Variants in DENND2A observed in about 807,000 individuals in gnomAD.
DENND2A encodes DENN domain containing 2A.
A neutral mutation model predicts 105.3 loss-of-function variants in DENND2A; 53 were observed. That is an observed-to-expected ratio of 0.50 (90% CI 0.40 to 0.63). The LOEUF is 0.63. DENND2A is among the 30% of genes least tolerant of loss of function. The probability of loss-of-function intolerance (pLI) is 0.00; values close to 1 mark genes in which losing one functional copy is unlikely to be tolerated. For synonymous variants in DENND2A, 522 were observed against 508.4 expected (o/e 1.03, Z -0.36); for missense variants, 1,138 against 1,279.6 (o/e 0.89, Z 1.69).
At chr7:140,631,242 G>C (rs1800723179) in intron 1 of DENND2A, among the ~76,000 whole-genome samples, 1 of 152,134 alleles carries the variant, frequency 6.6e-6, no homozygotes, top group African/African-American at 2.4e-5. Flanking sequence ...CGGGGGTGTG[G>C]GGAAGGAACA....
chr7:140,599,862 TG>T (rs1288832350), intron 3 of DENND2A, among the ~76,000 whole-genome samples: 1 of 151,710 alleles, frequency 6.6e-6, no homozygotes, highest in East Asian at 1.9e-4. Flanking sequence ...CCATGCTGAG[TG>T]GGGGGTGACA....
chr7:140,584,849 T>TA (rs906496791), intron 5 of DENND2A, among the ~76,000 whole-genome samples: 7 of 152,310 alleles, frequency 4.6e-5, no homozygotes, highest in South Asian at 2.1e-4. Flanking sequence ...TTATTTCATT[T>TA]AAAAAAACCC....
chr7:140,581,219 G>C (rs1378830654), intron 5 of DENND2A, among the ~76,000 whole-genome samples: 1 of 152,044 alleles, frequency 6.6e-6, no homozygotes, highest in African/African-American at 2.4e-5. Context: ...AGCCAAGATC[G>C]AGCCACTGCA....
chr7:140,580,860 C>T (rs1179541291), intron 5 of DENND2A, among the ~76,000 whole-genome samples: 1 of 149,884 alleles, frequency 6.7e-6, no homozygotes, highest in Non-Finnish European at 1.5e-5. Context: ...TGATCTCGAA[C>T]TCCTGACCTC....
intron 5 of DENND2A, among the ~76,000 whole-genome samples, chr7:140,578,635 C>T (rs1798406321): frequency 1.3e-5 from 2 of 152,138 alleles, no homozygotes; most frequent in African/African-American, 2.4e-5. Flanking sequence ...AATCCCAGCA[C>T]TTTGGGAGGC....
In DENND2A at chr7:140,526,724, C is replaced by T. The variant is rs115452035; in HGVS notation, c.2505+594G>A. On this transcript the variant is annotated intron_variant, in intron 15 of 19. Coordinates refer to ENST00000496613, the MANE Select transcript of DENND2A (RefSeq NM_015689.5). ...GAGGAGCAGCTTCTAGGGACCCAGA[C>T]ACAAATGCAGGACAGAGGGACAGGC... Among the ~76,000 whole-genome samples the T allele has an allele frequency of 6.3e-3, 959 of 152,310 alleles. 7 individuals are homozygous for T. Among genetic ancestry groups the T allele is most frequent in the African/African-American group, 0.021 (885 of 41,554 alleles).
chr7:140,598,367 T>C (rs1303626633), intron 3 of DENND2A, among the ~76,000 whole-genome samples: 1 of 152,180 alleles, frequency 6.6e-6, no homozygotes, highest in Non-Finnish European at 1.5e-5. Flanking sequence ...TGCCTGTGAG[T>C]GAAACTCTAG....
At chr7:140,619,500 C>T (rs1263961679) in intron 1 of DENND2A, among the ~76,000 whole-genome samples, 2 of 144,904 alleles carry the variant, frequency 1.4e-5, no homozygotes, top group African/African-American at 2.5e-5. Flanking sequence ...AAACTCTGCA[C>T]TTTTTTTTTT....
At chr7:140,634,639 G>A (rs1307622559) in intron 1 of DENND2A, among the ~76,000 whole-genome samples, 1 of 152,158 alleles carries the variant, frequency 6.6e-6, no homozygotes, top group African/African-American at 2.4e-5. Context: ...GGGAGGCCAA[G>A]GCCAGCGGAT....
chr7:140,553,333 AAGC>A (rs1261149441), intron 12 of DENND2A, among the ~76,000 whole-genome samples: 1 of 152,232 alleles, frequency 6.6e-6, no homozygotes, highest in Non-Finnish European at 1.5e-5. Context: ...ATGCTTTACA[AAGC>A]AGTATTGCAT....
chr7:140,536,761 C>T (rs1310022194), intron 14 of DENND2A, among the ~76,000 whole-genome samples: 1 of 152,104 alleles, frequency 6.6e-6, no homozygotes, highest in African/African-American at 2.4e-5. Flanking sequence ...CTCCTGGGTT[C>T]AAGTGATTCT....
chr7:140,549,182 C>T (rs1036755985), intron 12 of DENND2A, among the ~76,000 whole-genome samples: 3 of 151,424 alleles, frequency 2.0e-5, no homozygotes, highest in Admixed American at 6.6e-5. Flanking sequence ...GCTGAGATCG[C>T]GCCATTGCAC....
In DENND2A at chr7:140,634,560, C is replaced by T. The variant is rs185172425; in HGVS notation, c.-248+5944G>A. On this transcript the variant is annotated intron_variant, in intron 1 of 19. Coordinates refer to ENST00000496613, the MANE Select transcript of DENND2A (RefSeq NM_015689.5). ...AGTTTTGTTAACTTTTAAAAGAAAA[C>T]GTATTAAAATTAGAAATTTAAAATT... 1.9e-3 allele frequency among the ~76,000 whole-genome samples: 294 copies of T among 152,122 alleles called. 1 individual carries two copies. Among genetic ancestry groups the T allele is most frequent in the African/African-American group, 6.7e-3 (279 of 41,508 alleles).
At chr7:140,595,239 T>TCAAGTGATCTGCCCAC (rs1799235733) in intron 3 of DENND2A, among the ~76,000 whole-genome samples, 1 of 151,284 alleles carries the variant, frequency 6.6e-6, no homozygotes, top group Non-Finnish European at 1.5e-5. Context: ...ACTCCTGACC[T>TCAAGTGATCTGCCCAC]CAAGTGATCT....
In DENND2A at chr7:140,542,071, CTGCTTCT is replaced by C. The variant is rs1171095066; in HGVS notation, c.2327+2540_2327+2546del. ...TTCAGGTTTTTTTTTGTTTTTGGCA[CTGCTTCT>C]TTCCAGATGGACTTCTCAGGTGGCC... On this transcript the variant is annotated intron_variant, in intron 14 of 19. Transcript: ENST00000496613. Among the ~76,000 whole-genome samples the C allele has an allele frequency of 5.3e-5, 8 of 151,986 alleles. No individual in the cohort carries two copies. In the East Asian group the frequency reaches 1.5e-3, roughly 29 times the overall value.
chr7:140,613,154 G>A (rs1209432137), intron 1 of DENND2A, among the ~76,000 whole-genome samples: 1 of 151,898 alleles, frequency 6.6e-6, no homozygotes, highest in Admixed American at 6.6e-5. Flanking sequence ...AGTGATGCAA[G>A]CGTGTAGTCC....
intron 4 of DENND2A, 98 bp downstream of exon 4, chr7:140,587,555 C>T: frequency 6.6e-7 from 1 of 1,513,160 alleles, no homozygotes; most frequent in African/African-American, 1.4e-5. Flanking sequence ...TGTGTGTGTA[C>T]ATGTGTGTGC....
At chr7:140,539,508 G>A (rs1035187707) in intron 14 of DENND2A, among the ~76,000 whole-genome samples, 7 of 152,206 alleles carry the variant, frequency 4.6e-5, no homozygotes, top group African/African-American at 1.2e-4. Context: ...TTCTGTAAAC[G>A]GACAGGGCCC....
chr7:140,622,563 C>G (rs1800334378), intron 1 of DENND2A, among the ~76,000 whole-genome samples: 2 of 152,092 alleles, frequency 1.3e-5, no homozygotes, highest in South Asian at 4.2e-4. Context: ...TGAGTGCTAT[C>G]CAGCCATCAG....
Sources: gnomAD v4.1 joint callset for allele counts (sites outside exome capture counted in the v4.1 genomes callset) on GRCh38, gnomAD v4.1.1 for gene constraint, MANE v1.5 for transcripts, NCBI Gene and HGNC (gene_info 2026-07-23, HGNC 2026-07-21) for gene names.